ZFHX3: variants seen among roughly 807,000 people sequenced by gnomAD.
The protein encoded by ZFHX3 is zinc finger homeobox protein 3.
A neutral mutation model predicts 279.1 loss-of-function variants in ZFHX3; 42 were observed. That is an observed-to-expected ratio of 0.15 (90% CI 0.12 to 0.19). The LOEUF (loss-of-function observed/expected upper bound fraction) is 0.19. ZFHX3 is among the 10% of genes least tolerant of loss of function. The pLI, the probability that ZFHX3 is intolerant of heterozygous loss-of-function variation, is 1.00. For synonymous variants in ZFHX3, 2,293 were observed against 1,957.8 expected, an observed-to-expected ratio of 1.17 and a Z score of -4.52; for missense variants, 4,981 against 4,754.0, an observed-to-expected ratio of 1.05 and a Z score of -1.40.
At chr16:73,481,571 A>C in intron 2 of ZFHX3, among the ~76,000 whole-genome samples, 1 of 151,928 alleles carries the variant, frequency 6.6e-6, no homozygotes, top group East Asian at 1.9e-4. Context: ...AGTAGCTGGG[A>C]CCACAGGTGC....
intron 5 of ZFHX3, among the ~76,000 whole-genome samples, chr16:73,248,895 G>A (rs890798520): frequency 6.6e-6 from 1 of 151,546 alleles, no homozygotes; most frequent in African/African-American, 2.4e-5. Flanking sequence ...TTAAATTTAA[G>A]ACCCTAAAAA....
At chr16:73,841,978 G>A (rs1961320191) in intron 1 of ZFHX3, among the ~76,000 whole-genome samples, 1 of 152,100 alleles carries the variant, frequency 6.6e-6, no homozygotes, top group Non-Finnish European at 1.5e-5. Context: ...ACTTTGGGAG[G>A]CTGAGGCAGG....
intron 1 of ZFHX3, among the ~76,000 whole-genome samples, chr16:73,740,080 G>A (rs983703679): frequency 2.0e-5 from 3 of 152,132 alleles, no homozygotes; most frequent in Admixed American, 6.5e-5. Context: ...ATGCCAGCCC[G>A]GTTCCTTGCA....
At chr16:73,574,805 A>C (rs920912423) in intron 2 of ZFHX3, among the ~76,000 whole-genome samples, 1 of 152,024 alleles carries the variant, frequency 6.6e-6, no homozygotes, top group African/African-American at 2.4e-5. Flanking sequence ...AACTAAATCA[A>C]ACCACCACCA....
At chr16:73,270,002 G>A (rs1178297315) in intron 4 of ZFHX3, among the ~76,000 whole-genome samples, 1 of 152,036 alleles carries the variant, frequency 6.6e-6, no homozygotes, top group Admixed American at 6.5e-5. Context: ...CTCACCTCGG[G>A]CTTCCAAAGT....
chr16:72,875,679 C>A lies in ZFHX3; in HGVS notation c.3448+14052G>T, dbSNP rs76729179. Among the ~76,000 whole-genome samples the A allele has an allele frequency of 6.0e-3, 911 of 152,360 alleles. 7 individuals carry two copies. Among genetic ancestry groups the A allele is most frequent in the Non-Finnish European group, 0.01 (713 of 68,038 alleles). Reference sequence around the variant, plus strand: ...AACTTAAAGACTGGTATAGGGTTAACTGAACTGCCACGTTAAGTCAGGTGT... The same window carrying A: ...AACTTAAAGACTGGTATAGGGTTAAATGAACTGCCACGTTAAGTCAGGTGT... On this transcript the variant is annotated intron_variant, in intron 4 of 9. Coordinates refer to ENST00000268489, the MANE Select transcript of ZFHX3 (RefSeq NM_006885.4).
intron 3 of ZFHX3, among the ~76,000 whole-genome samples, chr16:73,427,795 T>C (rs1467918710): frequency 6.6e-6 from 1 of 151,168 alleles, no homozygotes; most frequent in Non-Finnish European, 1.5e-5. Flanking sequence ...ATACAAAAAT[T>C]AGCTGGGCGT....
chr16:73,567,236 A>T (rs1273406522), intron 2 of ZFHX3, among the ~76,000 whole-genome samples: 1 of 152,028 alleles, frequency 6.6e-6, no homozygotes, highest in Non-Finnish European at 1.5e-5. Context: ...TACTGATTAC[A>T]TCTGCAGCTC....
intron 1 of ZFHX3, among the ~76,000 whole-genome samples, chr16:73,003,859 T>C (rs1963596077): frequency 6.6e-6 from 1 of 151,800 alleles, no homozygotes; most frequent in Non-Finnish European, 1.5e-5. Flanking sequence ...AAATAAACCT[T>C]AAAGTTTCTT....
chr16:73,045,778 CAGCCATTTCAAAAAA>C (rs1965274288), intron 1 of ZFHX3, among the ~76,000 whole-genome samples: 1 of 123,478 alleles, frequency 8.1e-6, no homozygotes, highest in Non-Finnish European at 1.6e-5. Context: ...ATAGAAAGTA[CAGCCATTTCAAAAAA>C]AAAAAAAAAA....
intron 1 of ZFHX3, among the ~76,000 whole-genome samples, chr16:73,819,920 T>A (rs1418239177): frequency 6.6e-6 from 1 of 152,150 alleles, no homozygotes; most frequent in African/African-American, 2.4e-5. Context: ...TGGCAGATCT[T>A]ATTTTCCAAA....
chr16:73,799,912 A>T (rs571132924), intron 1 of ZFHX3, among the ~76,000 whole-genome samples: 103 of 152,240 alleles, frequency 6.8e-4, no homozygotes, highest in South Asian at 1.7e-3. Context: ...ACAACGACTT[A>T]AGGCCAGGTG....
intron 1 of ZFHX3, among the ~76,000 whole-genome samples, chr16:73,790,081 A>T (rs958840060): frequency 6.6e-6 from 1 of 152,164 alleles, no homozygotes; most frequent in Non-Finnish European, 1.5e-5. Flanking sequence ...TTGCCATGCA[A>T]AAGGTCTCAT....
chr16:73,219,774 G>C (rs1195915109), intron 5 of ZFHX3, among the ~76,000 whole-genome samples: 1 of 152,192 alleles, frequency 6.6e-6, no homozygotes, highest in Non-Finnish European at 1.5e-5. Flanking sequence ...AGGAAACTGG[G>C]CAAGACTTCT....
intron 2 of ZFHX3, among the ~76,000 whole-genome samples, chr16:73,660,492 C>G (rs1219270152): frequency 6.6e-6 from 1 of 152,184 alleles, no homozygotes; most frequent in Non-Finnish European, 1.5e-5. Context: ...TGCTCCTTCT[C>G]TGCCACAATT....
chr16:73,309,414 C>CT (rs1425663763), intron 4 of ZFHX3, among the ~76,000 whole-genome samples: 2 of 152,132 alleles, frequency 1.3e-5, no homozygotes, highest in Admixed American at 6.5e-5. Flanking sequence ...TAATCTCATT[C>CT]TTTTTTATGG....
chr16:73,354,465 C>T (rs1364839943), intron 3 of ZFHX3, among the ~76,000 whole-genome samples: 1 of 152,208 alleles, frequency 6.6e-6, no homozygotes, highest in Non-Finnish European at 1.5e-5. Flanking sequence ...GACTGCCCAG[C>T]TCTGTGCTGG....
chr16:72,992,554 G>T (rs572168620), intron 1 of ZFHX3, among the ~76,000 whole-genome samples: 4 of 152,136 alleles, frequency 2.6e-5, no homozygotes, highest in African/African-American at 9.6e-5. Flanking sequence ...TGCCTCCTAG[G>T]GATCCCAACC....
intron 2 of ZFHX3, among the ~76,000 whole-genome samples, chr16:73,535,039 A>G (rs554074738): frequency 2.0e-5 from 3 of 149,148 alleles, no homozygotes; most frequent in East Asian, 2.0e-4. Flanking sequence ...ACTCTTGAGG[A>G]AAAAAAAAAG....
Sources: gnomAD v4.1 joint callset for allele counts (sites outside exome capture counted in the v4.1 genomes callset) on GRCh38, gnomAD v4.1.1 for gene constraint, MANE v1.5 for transcripts, NCBI Gene and HGNC (gene_info 2026-07-23, HGNC 2026-07-21) for gene names.